The following AGBL4 variants were observed in gnomAD, a reference collection of about 807,000 sequenced individuals.
AGBL4 encodes the protein AGBL carboxypeptidase 4, also known as cytosolic carboxypeptidase 6.
AGBL4 carries 58 observed loss-of-function variants against 66.4 expected under a neutral mutation model. The ratio of observed to expected loss-of-function variants is 0.87; its 90% confidence interval spans 0.71 to 1.09. The LOEUF (loss-of-function observed/expected upper bound fraction) is 1.09, where lower values mean the gene tolerates loss of function less well. Among genes scored for constraint, AGBL4 ranks in the 50% least tolerant of loss-of-function variants. The pLI, the probability that AGBL4 is intolerant of heterozygous loss-of-function variation, is 0.00. For missense variants in AGBL4, 579 were observed against 631.0 expected (o/e 0.92, Z 0.88); for synonymous variants, 234 against 222.9 (o/e 1.05, Z -0.44).
At chr1:49,824,952 C>T (rs967149151) in intron 2 of AGBL4, among the ~76,000 whole-genome samples, 3 of 152,102 alleles carry the variant, frequency 2.0e-5, no homozygotes, top group African/African-American at 7.2e-5. Context: ...TTTGGTTTGC[C>T]TCTATTGATT....
intron 3 of AGBL4, among the ~76,000 whole-genome samples, chr1:49,344,374 T>G (rs1645598502): frequency 6.6e-6 from 1 of 152,102 alleles, no homozygotes; most frequent in African/African-American, 2.4e-5. Flanking sequence ...ATAAGGAAAG[T>G]AGAATATGTT....
intron 3 of AGBL4, among the ~76,000 whole-genome samples, chr1:49,663,869 A>G (rs1646315445): frequency 6.6e-6 from 1 of 152,108 alleles, no homozygotes; most frequent in Non-Finnish European, 1.5e-5. Flanking sequence ...TGGATATGAA[A>G]AGTAAGAATG....
intron 9 of AGBL4, among the ~76,000 whole-genome samples, chr1:48,606,174 C>T (rs555656202): frequency 1.5e-4 from 21 of 138,860 alleles, no homozygotes; most frequent in Admixed American, 1.1e-3. Flanking sequence ...TATCAGGCAT[C>T]AGAAAAGTTG....
chr1:49,840,907 G>T (rs895664568), intron 2 of AGBL4, among the ~76,000 whole-genome samples: 1 of 152,028 alleles, frequency 6.6e-6, no homozygotes, highest in Non-Finnish European at 1.5e-5. Flanking sequence ...TACTGAATAG[G>T]AATAAGCCGG....
intron 3 of AGBL4, among the ~76,000 whole-genome samples, chr1:49,328,491 G>A (rs1557843253): frequency 6.6e-6 from 1 of 152,126 alleles, no homozygotes; most frequent in African/African-American, 2.4e-5. Flanking sequence ...TTTTATTAAT[G>A]GGGTCTAGTC....
chr1:49,546,781 T>C (rs1180498333), intron 3 of AGBL4, among the ~76,000 whole-genome samples: 1 of 152,242 alleles, frequency 6.6e-6, no homozygotes, highest in African/African-American at 2.4e-5. Context: ...TTGTTTCATA[T>C]GCTTATTAGC....
intron 3 of AGBL4, among the ~76,000 whole-genome samples, chr1:49,555,436 A>C (rs967351724): frequency 2.7e-5 from 4 of 150,118 alleles, no homozygotes; most frequent in Non-Finnish European, 5.9e-5. Context: ...CAGAGCACTG[A>C]TTGGTGTGTT....
intron 3 of AGBL4, among the ~76,000 whole-genome samples, chr1:49,290,605 A>G (rs1229693104): frequency 6.6e-6 from 1 of 152,190 alleles, no homozygotes; most frequent in Non-Finnish European, 1.5e-5. Context: ...CCCCTTGAAC[A>G]TGGGTTTGGA....
At chr1:48,554,131 G>A (rs1362150981) in intron 11 of AGBL4, among the ~76,000 whole-genome samples, 2 of 152,116 alleles carry the variant, frequency 1.3e-5, no homozygotes, top group African/African-American at 2.4e-5. Context: ...GAACTTAAAA[G>A]GTCCACTAAA....
At chr1:49,833,709 G>A (rs1006314811) in intron 2 of AGBL4, among the ~76,000 whole-genome samples, 5 of 152,030 alleles carry the variant, frequency 3.3e-5, no homozygotes, top group African/African-American at 4.8e-5. Flanking sequence ...GGTCCTTCAC[G>A]TCCGTTGTAA....
At chr1:49,480,524 G>A (rs1646935618) in intron 3 of AGBL4, among the ~76,000 whole-genome samples, 1 of 147,290 alleles carries the variant, frequency 6.8e-6, no homozygotes. Flanking sequence ...CTTCTTTATA[G>A]ATGCTGGATA....
chr1:49,421,441 A>G (rs1645544762), intron 3 of AGBL4, among the ~76,000 whole-genome samples: 1 of 152,144 alleles, frequency 6.6e-6, no homozygotes, highest in Non-Finnish European at 1.5e-5. Flanking sequence ...ATTGTCTGAA[A>G]GTGAGATGGA....
chr1:49,361,589 G>A (rs1468353059), intron 3 of AGBL4, among the ~76,000 whole-genome samples: 3 of 152,304 alleles, frequency 2.0e-5, no homozygotes, highest in Admixed American at 6.5e-5. Context: ...GCCTCCCAAA[G>A]TGCTGGCATT....
chr1:49,512,664 G>C (rs980420043), intron 3 of AGBL4, among the ~76,000 whole-genome samples: 2 of 151,816 alleles, frequency 1.3e-5, no homozygotes, highest in African/African-American at 4.8e-5. Context: ...GATGCTTCTT[G>C]TACAGCCTGC....
At chr1:49,788,693 T>C (rs1644519940) in intron 2 of AGBL4, among the ~76,000 whole-genome samples, 1 of 152,076 alleles carries the variant, frequency 6.6e-6, no homozygotes, top group South Asian at 2.1e-4. Flanking sequence ...AAAGAAACTA[T>C]TACAAAATAT....
intron 3 of AGBL4, among the ~76,000 whole-genome samples, chr1:49,632,416 C>A (rs992297871): frequency 1.2e-4 from 18 of 152,126 alleles, no homozygotes; most frequent in African/African-American, 4.3e-4. Context: ...TTAACAAGAC[C>A]AGTATTATCC....
intron 5 of AGBL4, among the ~76,000 whole-genome samples, chr1:49,013,032 C>T (rs1161229375): frequency 6.6e-6 from 1 of 152,178 alleles, no homozygotes; most frequent in Admixed American, 6.5e-5. Flanking sequence ...TATGGTGCAG[C>T]AAGCAGGCCC....
chr1:49,276,398 A>G (rs1644168805), intron 3 of AGBL4, among the ~76,000 whole-genome samples: 1 of 152,232 alleles, frequency 6.6e-6, no homozygotes, highest in African/African-American at 2.4e-5. Flanking sequence ...TTCAAAGTAG[A>G]GACTCAAGGA....
intron 6 of AGBL4, among the ~76,000 whole-genome samples, chr1:48,768,990 G>T (rs565455562): frequency 6.6e-6 from 1 of 152,324 alleles, no homozygotes; most frequent in East Asian, 1.9e-4. Context: ...CTGTGGTGTT[G>T]CAGAAAGACA....
Sources: gnomAD v4.1 joint callset for allele counts (sites outside exome capture counted in the v4.1 genomes callset) on GRCh38, gnomAD v4.1.1 for gene constraint, MANE v1.5 for transcripts, NCBI Gene and HGNC (gene_info 2026-07-23, HGNC 2026-07-21) for gene names.